The following RNF141 variants were observed in gnomAD, a reference collection of about 807,000 sequenced individuals.
RNF141 encodes the protein C3HC4-like zinc finger protein.
Under a neutral mutation model 27.4 loss-of-function variants are expected in RNF141, and 18 were observed. The ratio of observed to expected loss-of-function variants is 0.66; its 90% CI spans 0.45 to 0.97. RNF141 has a LOEUF of 0.97. Ranked by LOEUF, RNF141 falls within the 50% of genes least tolerant of loss-of-function variation. The pLI, the probability that RNF141 is intolerant of heterozygous loss-of-function variation, is 0.00. For missense variants in RNF141, 230 were observed against 279.4 expected, an observed-to-expected ratio of 0.82 and a Z score of 1.26; for synonymous variants, 97 against 96.6, an observed-to-expected ratio of 1.00 and a Z score of -0.02.
chr11:10,512,042 C>G lies in RNF141; in HGVS notation c.*2874G>C, dbSNP rs1849804678. On this transcript the variant is annotated 3_prime_UTR_variant, in exon 6 of 6. Transcript: ENST00000265981. ...CAGTACATAGTAAAATTCATTTTCTCAAACTAAGGTTCTATACATAATCGG... is the reference window on the plus strand; with the variant it reads ...CAGTACATAGTAAAATTCATTTTCTGAAACTAAGGTTCTATACATAATCGG... The G allele has an allele frequency of 6.6e-6, 1 of 152,604 alleles. No homozygotes were observed. The highest frequency in any genetic ancestry group is 6.5e-5 in the Admixed American group (1 of 15,278). The allele number at this position is 152,604 out of a possible 1,614,324, so 9.5% of individuals were successfully genotyped here. A position where few individuals can be genotyped will look rare whatever the true frequency, so the allele number is the denominator to read the frequency against.
At chr11:10,523,322 C>T (rs1371219313) in intron 4 of RNF141, among the ~76,000 whole-genome samples, 1 of 152,196 alleles carries the variant, frequency 6.6e-6, no homozygotes, top group East Asian at 1.9e-4. Context: ...GCCAGACAGG[C>T]CTGAATGTGA....
intron 1 of RNF141, among the ~76,000 whole-genome samples, chr11:10,539,020 A>G (rs886776148): frequency 9.2e-5 from 14 of 152,210 alleles, no homozygotes; most frequent in African/African-American, 3.4e-4. Flanking sequence ...CATTTTTTGC[A>G]AGATAAAAAT....
In RNF141 at chr11:10,515,080, C is replaced by G. The variant is rs1564864767; in HGVS notation, c.543-14G>C. ...TGTCGATCACTCCTATTAGAGAAGT[C>G]AAAACAAAACAGTTTGCTTTCTTCT... On this transcript the variant is annotated splice_polypyrimidine_tract_variant and intron_variant, in intron 5 of 5. Transcript: ENST00000265981. The G allele has an allele frequency of 6.3e-7, 1 of 1,590,326 alleles. No homozygotes were observed. The highest frequency in any genetic ancestry group is 1.2e-5 in the South Asian group (1 of 86,806).
At chr11:10,535,758 T>C (rs1251979771) in intron 1 of RNF141, among the ~76,000 whole-genome samples, 1 of 152,136 alleles carries the variant, frequency 6.6e-6, no homozygotes, top group Non-Finnish European at 1.5e-5. Flanking sequence ...GATATAATAT[T>C]AGAAAAAAAG....
chr11:10,519,685 T>C (rs564415095), intron 4 of RNF141, among the ~76,000 whole-genome samples: 1 of 152,134 alleles, frequency 6.6e-6, no homozygotes, highest in African/African-American at 2.4e-5. Context: ...TAGGCTACTG[T>C]AACACAATGG....
At chr11:10,539,129 G>C (rs781490220) in intron 1 of RNF141, among the ~76,000 whole-genome samples, 1 of 152,158 alleles carries the variant, frequency 6.6e-6, no homozygotes, top group Non-Finnish European at 1.5e-5. Context: ...TCTCTAGTGG[G>C]TGGTACATAG....
chr11:10,540,435 A>C (rs917118919), intron 1 of RNF141, among the ~76,000 whole-genome samples: 1 of 152,224 alleles, frequency 6.6e-6, no homozygotes, highest in African/African-American at 2.4e-5. Flanking sequence ...CTGAAGGAAT[A>C]ATTTCAAAAG....
chr11:10,530,461 G>C (rs1209626318), intron 3 of RNF141, among the ~76,000 whole-genome samples, 182 bp downstream of exon 3: 6 of 152,172 alleles, frequency 3.9e-5, no homozygotes, highest in Non-Finnish European at 8.8e-5. Flanking sequence ...CTGCTGTATA[G>C]CAATTAGACA....
intron 5 of RNF141, among the ~76,000 whole-genome samples, chr11:10,518,125 A>C (rs1342795152): frequency 6.6e-6 from 1 of 152,184 alleles, no homozygotes; most frequent in Non-Finnish European, 1.5e-5. Flanking sequence ...ATTCAATGCA[A>C]TCTCATATGC....
chr11:10,534,020 C>T lies in RNF141; in HGVS notation c.139G>A (p.Asp47Asn), dbSNP rs1185650829. The change falls in exon 2 of 6, where the codon GAT becomes AAT. Residue 47 changes from aspartate to asparagine, a missense_variant. By Grantham distance (23) the Asp-to-Asn change is conservative (BLOSUM62 1). Transcript: ENST00000265981. ...AACAAAAAGAGCAAGCCTTACACAT[C>T]ATTAAGCTCAGCTACTCTCCCAAGA... ...EFLGRVAELN[D>N]VTAKVASGQE... 4 of 1,613,064 alleles carry T rather than the reference C, an allele frequency of 2.5e-6. No individual in the cohort carries two copies. In the South Asian group the frequency reaches 4.4e-5, roughly 18 times the overall value.
At chr11:10,516,000 A>G (rs1849840416) in intron 5 of RNF141, 1 of 152,218 alleles carries the variant, frequency 6.6e-6, no homozygotes, top group African/African-American at 2.4e-5. Flanking sequence ...GAGACATATT[A>G]TGCAGAGAAA....
At chr11:10,520,094 C>CT (rs1201679317) in intron 4 of RNF141, among the ~76,000 whole-genome samples, 2 of 152,178 alleles carry the variant, frequency 1.3e-5, no homozygotes, top group Non-Finnish European at 2.9e-5. Flanking sequence ...CAAGCTTGGC[C>CT]TAGGACATTA....
At chr11:10,526,208 G>T (rs1181055642) in intron 3 of RNF141, among the ~76,000 whole-genome samples, 1 of 152,168 alleles carries the variant, frequency 6.6e-6, no homozygotes, top group Non-Finnish European at 1.5e-5. Context: ...AGTAAGCCAT[G>T]AAATCTATTA....
At chr11:10,519,750 C>T (rs1053397754) in intron 4 of RNF141, among the ~76,000 whole-genome samples, 15 of 146,842 alleles carry the variant, frequency 1.0e-4, no homozygotes, top group Admixed American at 2.1e-4. Flanking sequence ...TGTGTAAATA[C>T]GGTATACAAG....
chr11:10,532,689 T>C (rs1226050463), intron 2 of RNF141, among the ~76,000 whole-genome samples: 3 of 152,216 alleles, frequency 2.0e-5, no homozygotes, highest in Non-Finnish European at 4.4e-5. Flanking sequence ...AAAGACAGTA[T>C]ATCAAGCTTA....
At chr11:10,532,203 T>A (rs1849992360) in intron 2 of RNF141, among the ~76,000 whole-genome samples, 1 of 152,190 alleles carries the variant, frequency 6.6e-6, no homozygotes, top group Non-Finnish European at 1.5e-5. Context: ...TTACTGCTCA[T>A]AAGAGTTGAA....
chr11:10,526,803 G>A (rs1426606907), intron 3 of RNF141, among the ~76,000 whole-genome samples: 4 of 151,736 alleles, frequency 2.6e-5, no homozygotes, highest in Non-Finnish European at 4.4e-5. Flanking sequence ...AAAAGAATGA[G>A]TCATATACCA....
intron 4 of RNF141, among the ~76,000 whole-genome samples, chr11:10,519,559 A>G (rs539799586): frequency 5.9e-5 from 9 of 152,326 alleles, no homozygotes; most frequent in Non-Finnish European, 8.8e-5. Context: ...TAAATATCAT[A>G]GTGTACTTAT....
At chr11:10,521,314 T>C (rs908848100) in intron 4 of RNF141, among the ~76,000 whole-genome samples, 3 of 152,260 alleles carry the variant, frequency 2.0e-5, no homozygotes, top group Non-Finnish European at 2.9e-5. Flanking sequence ...GGCTGGCCTT[T>C]CCATAAACTG....
Sources: allele counts gnomAD v4.1 joint callset (sites outside exome capture counted in the v4.1 genomes callset), GRCh38; gene constraint gnomAD v4.1.1; transcripts MANE v1.5; gene names NCBI Gene and HGNC (gene_info 2026-07-23, HGNC 2026-07-21).